The following MBOAT2 variants were observed in gnomAD, a reference collection of about 807,000 sequenced individuals.
The protein encoded by MBOAT2 is membrane bound glycerophospholipid O-acyltransferase 2, also known as membrane-bound glycerophospholipid O-acyltransferase 2.
Under a neutral mutation model 63.4 loss-of-function variants are expected in MBOAT2, and 28 were observed. The ratio of observed to expected loss-of-function variants is 0.44; its 90% CI spans 0.33 to 0.61. MBOAT2 has a LOEUF of 0.61. Among genes scored for constraint, MBOAT2 ranks in the 20% least tolerant of loss-of-function variants. MBOAT2 has a pLI of 0.03. For synonymous variants in MBOAT2, 211 were observed against 215.6 expected, an observed-to-expected ratio of 0.98 and a Z score of 0.19; for missense variants, 470 against 605.8, an observed-to-expected ratio of 0.78 and a Z score of 2.35.
At chr2:8,901,143 A>G (rs1664891882) in intron 4 of MBOAT2, among the ~76,000 whole-genome samples, 2 of 151,714 alleles carry the variant, frequency 1.3e-5, no homozygotes, top group Admixed American at 1.3e-4. Flanking sequence ...CCCCTGCCCA[A>G]GAACCTGCAA....
intron 1 of MBOAT2, among the ~76,000 whole-genome samples, chr2:8,990,916 A>G (rs993209624): frequency 7.9e-5 from 12 of 152,236 alleles, no homozygotes; most frequent in Non-Finnish European, 1.3e-4. Context: ...ATAAGCTTAT[A>G]CTAAGGACCC....
At chr2:8,870,433 A>G (rs994901586) in intron 8 of MBOAT2, among the ~76,000 whole-genome samples, 6 of 152,360 alleles carry the variant, frequency 3.9e-5, no homozygotes, top group Admixed American at 2.6e-4. Context: ...CATTCATACT[A>G]TTTTTATAAA....
chr2:8,852,736 A>G lies in MBOAT2; in HGVS notation c.*5943T>C, dbSNP rs1366130459. ...TCAGTTGTAAAGACACACAAATTAGAAAAAAAAAACATGTCCTAAACATGT... is the reference window on the plus strand; with the variant it reads ...TCAGTTGTAAAGACACACAAATTAGGAAAAAAAAACATGTCCTAAACATGT... On this transcript the variant is annotated 3_prime_UTR_variant, in exon 13 of 13. Coordinates refer to ENST00000305997, the MANE Select transcript of MBOAT2 (RefSeq NM_138799.4). 2 of 149,390 alleles carry G rather than the reference A, an allele frequency of 1.3e-5. No individual in the cohort carries two copies. The highest frequency in any genetic ancestry group is 2.5e-5 in the African/African-American group (1 of 40,468). The allele number at this position is 149,390 out of a possible 1,614,324, so 9.3% of individuals were successfully genotyped here. A position where few individuals can be genotyped will look rare whatever the true frequency, so the allele number is the denominator to read the frequency against.
intron 2 of MBOAT2, among the ~76,000 whole-genome samples, chr2:8,943,756 T>C (rs182326531): frequency 6.6e-6 from 1 of 152,330 alleles, no homozygotes; most frequent in Non-Finnish European, 1.5e-5. Flanking sequence ...GAAAAGCGTA[T>C]ACTCTTCTCA....
Position 8,877,050 on chromosome 2 carries a change from T to C in MBOAT2, c.670A>G (p.Arg224Gly), listed in dbSNP as rs1662748320. The C allele has an allele frequency of 1.2e-6, 2 of 1,612,280 alleles. No individual in the cohort carries two copies. The highest frequency in any genetic ancestry group is 1.7e-6 in the Non-Finnish European group (2 of 1,179,426). The stretch of plus-strand genomic sequence containing the variant: ...CTTACATTTGGAGATGGCTCTGTTC[T>C]TTCATACTGTGTCTCTTCTTTTCCA... ...ENGKEETQYERTEPSPNTAVV... is the reference protein window; with the variant it reads ...ENGKEETQYEGTEPSPNTAVV... The change falls in exon 7 of 13, where the codon AGA (arginine) becomes GGA (glycine). Residue 224 changes from arginine (R) to glycine (G), a missense_variant. Physicochemically the swap from Arg to Gly is moderately radical, Grantham distance 125 (BLOSUM62 -2). Transcript: ENST00000305997.
intron 7 of MBOAT2, among the ~76,000 whole-genome samples, chr2:8,874,682 AC>A (rs1662577191): frequency 1.3e-5 from 2 of 152,104 alleles, no homozygotes; most frequent in African/African-American, 2.4e-5. Flanking sequence ...TAGGCAGAAA[AC>A]TGGAGAATCC....
intron 1 of MBOAT2, among the ~76,000 whole-genome samples, chr2:8,967,373 T>C (rs1486616455): frequency 6.6e-6 from 1 of 152,208 alleles, no homozygotes; most frequent in Non-Finnish European, 1.5e-5. Flanking sequence ...ACAAAAAATA[T>C]GTAATGGCTC....
chr2:8,971,600 T>C lies in MBOAT2; in HGVS notation c.76-12958A>G, dbSNP rs556190365. 2.0e-3 allele frequency among the ~76,000 whole-genome samples: 300 copies of C among 152,336 alleles called. 4 individuals are homozygous for C. Among genetic ancestry groups the C allele is most frequent in the African/African-American group, 6.8e-3 (283 of 41,560 alleles). ...TTGTCCCTGTTTGCAGATAACATAA[T>C]TGTATATTTAGAAAACCCCATCGTC... On this transcript the variant is annotated intron_variant, in intron 1 of 12. Coordinates refer to ENST00000305997, the MANE Select transcript of MBOAT2 (RefSeq NM_138799.4).
intron 1 of MBOAT2, among the ~76,000 whole-genome samples, chr2:8,981,366 A>G (rs1423834100): frequency 6.6e-6 from 1 of 152,214 alleles, no homozygotes; most frequent in Non-Finnish European, 1.5e-5. Context: ...TATACTGTGC[A>G]TTATCTTTAC....
intron 1 of MBOAT2, among the ~76,000 whole-genome samples, chr2:8,995,448 G>T (rs556681162): frequency 6.6e-6 from 1 of 152,240 alleles, no homozygotes; most frequent in African/African-American, 2.4e-5. Flanking sequence ...TTGTTTCAGG[G>T]CCAAATTGCC....
At chr2:8,999,637 A>G (rs1672549431) in intron 1 of MBOAT2, among the ~76,000 whole-genome samples, 1 of 152,182 alleles carries the variant, frequency 6.6e-6, no homozygotes, top group African/African-American at 2.4e-5. Context: ...TAAACAGCAC[A>G]CTTGGGCCTT....
At chr2:8,897,122 TTC>T (rs1215189681) in intron 4 of MBOAT2, among the ~76,000 whole-genome samples, 4 of 152,066 alleles carry the variant, frequency 2.6e-5, no homozygotes, top group Non-Finnish European at 5.9e-5. Flanking sequence ...TCTTTACTAC[TTC>T]TCTCTTTGAC....
At chr2:8,971,523 C>T (rs1056209335) in intron 1 of MBOAT2, among the ~76,000 whole-genome samples, 9 of 152,140 alleles carry the variant, frequency 5.9e-5, no homozygotes, top group Admixed American at 1.3e-4. Context: ...CCAGGGCAAT[C>T]AGGCAGGAGA....
At chr2:8,996,263 T>G (rs761153269) in intron 1 of MBOAT2, among the ~76,000 whole-genome samples, 1 of 152,164 alleles carries the variant, frequency 6.6e-6, no homozygotes, top group Non-Finnish European at 1.5e-5. Context: ...GTTTTAAAAG[T>G]GAACTGGAAT....
intron 1 of MBOAT2, among the ~76,000 whole-genome samples, chr2:8,998,555 T>C (rs908043940): frequency 6.6e-6 from 1 of 152,036 alleles, no homozygotes; most frequent in Non-Finnish European, 1.5e-5. Flanking sequence ...CAACTACCCT[T>C]TTCCATAACA....
At chr2:8,873,489 T>C (rs527653877) in intron 7 of MBOAT2, among the ~76,000 whole-genome samples, 189 bp from the exon 8 acceptor site, 2 of 152,324 alleles carry the variant, frequency 1.3e-5, no homozygotes, top group South Asian at 4.1e-4. Context: ...CTTTTCCAAC[T>C]GTATCTATAA....
chr2:8,879,264 C>T (rs1558565639), intron 6 of MBOAT2, among the ~76,000 whole-genome samples: 1 of 152,120 alleles, frequency 6.6e-6, no homozygotes, highest in Non-Finnish European at 1.5e-5. Flanking sequence ...TACAAAAGAA[C>T]TCCTTGTACT....
At chr2:8,915,230 T>C (rs960314631) in intron 3 of MBOAT2, among the ~76,000 whole-genome samples, 4 of 152,174 alleles carry the variant, frequency 2.6e-5, no homozygotes, top group African/African-American at 9.7e-5. Context: ...TGAGCCACCG[T>C]GCCCAGCCGG....
chr2:8,920,794 T>G (rs964048822), intron 3 of MBOAT2, among the ~76,000 whole-genome samples: 2 of 152,216 alleles, frequency 1.3e-5, no homozygotes, highest in Admixed American at 6.5e-5. Flanking sequence ...TGGAATTGTT[T>G]TTATACCTGC....
Sources: allele counts gnomAD v4.1 joint callset (sites outside exome capture counted in the v4.1 genomes callset), GRCh38; gene constraint gnomAD v4.1.1; transcripts MANE v1.5; gene names NCBI Gene and HGNC (gene_info 2026-07-23, HGNC 2026-07-21).